PRAMEF1: variants seen among roughly 807,000 people sequenced by gnomAD.
The protein encoded by PRAMEF1 is PRAME family member 1.
In PRAMEF1, 21 loss-of-function variants were observed where a neutral mutation model predicts 38.2. The ratio of observed to expected loss-of-function variants is 0.55; its 90% CI spans 0.39 to 0.79. The LOEUF (loss-of-function observed/expected upper bound fraction) is 0.79. PRAMEF1 is among the 30% of genes least tolerant of loss of function. The probability of loss-of-function intolerance (pLI) is 0.00; values close to 1 mark genes in which losing one functional copy is unlikely to be tolerated. For synonymous variants in PRAMEF1, 200 were observed against 229.0 expected (o/e 0.87, Z 1.14); for missense variants, 497 against 565.8 (o/e 0.88, Z 1.23).
chr1:12,795,424 C>T lies in PRAMEF1; in HGVS notation c.867-14C>T. 6.2e-7 allele frequency: 1 copy of T among 1,610,366 alleles called. No individual in the cohort carries two copies. ...TGGTATCACTGCCCAGAACTAACTT[C>T]TTGATCTCCACAGGTGCCTCCAGAA... On this transcript the variant is annotated splice_polypyrimidine_tract_variant and intron_variant, in intron 3 of 3. Transcript: ENST00000332296.
In PRAMEF1 at chr1:12,795,438, G is replaced by A. The variant is rs148941888; in HGVS notation, c.867G>A (p.Arg289=). 226 of 1,610,854 alleles carry A rather than the reference G, an allele frequency of 1.4e-4. 4 individuals carry two copies. Among genetic ancestry groups the A allele is most frequent in the Admixed American group, 9.0e-4 (54 of 59,784 alleles). The change falls in exon 4 of 4, where the codon AGG becomes AGA. Residue 289 remains arginine, a splice_region_variant and synonymous_variant. Coordinates refer to ENST00000332296, the MANE Select transcript of PRAMEF1 (RefSeq NM_023013.4). ...FFSGHLEQLI[R]CLQNPLENLE... ...AGAACTAACTTCTTGATCTCCACAG[G>A]TGCCTCCAGAACCCCTTGGAGAACT...
chr1:12,793,422 T>C lies in PRAMEF1; in HGVS notation c.195T>C (p.Pro65=). The C allele has an allele frequency of 1.7e-5, 28 of 1,610,086 alleles. 2 individuals are homozygous for C. Among genetic ancestry groups the C allele is most frequent in the Non-Finnish European group, 2.2e-5 (26 of 1,177,930 alleles). ...AGGCCTGGCCCTTCACCTGCCTCCC[T>C]CTGGGATCACTGATGAAGACGCTTC... is the stretch of plus-strand genomic sequence containing the variant. ...MVQAWPFTCL[P]LGSLMKTLHL... The change falls in exon 2 of 4, where the codon CCT becomes CCC. Residue 65 remains proline, a synonymous_variant. Transcript: ENST00000332296.
At position 12,795,644 on chromosome 1, in the gene PRAMEF1, G is replaced by A. The variant is rs762542033; in HGVS notation, c.1073G>A (p.Gly358Asp). 70 of 1,611,316 alleles carry A rather than the reference G, an allele frequency of 4.3e-5. 1 individual carries two copies. Among genetic ancestry groups the A allele is most frequent in the Non-Finnish European group, 5.8e-5 (69 of 1,179,620 alleles). Residue 358 changes from glycine to aspartate, a missense_variant, in exon 4 of 4, where the codon GGC (glycine) becomes GAC (aspartate). By Grantham distance (94) the Gly-to-Asp change is moderately conservative. Around this residue, in one of 2 missense-constraint regions of PRAMEF1, gnomAD observed 470 missense variants for 501.9 expected, o/e 0.94. Coordinates refer to ENST00000332296, the MANE Select transcript of PRAMEF1 (RefSeq NM_023013.4). ...TCTCTCAAAACCCTCATCTTGGAGG[G>A]CTGTCAGATCCACTACTCCCAACTC... ...AASLKTLILE[G>D]CQIHYSQLSA... is the part of the protein sequence containing the mutation.
In PRAMEF1 at chr1:12,795,783, G is replaced by A; in HGVS notation, c.1212G>A (p.Leu404=). 3 of 1,611,040 alleles carry A rather than the reference G, an allele frequency of 1.9e-6. No homozygotes were observed. The highest frequency in any genetic ancestry group is 2.5e-6 in the Non-Finnish European group (3 of 1,179,584). Residue 404 remains leucine (L), a synonymous_variant, in exon 4 of 4, where the codon CTG becomes CTA. Transcript: ENST00000332296. The stretch of plus-strand genomic sequence containing the variant: ...ACCTGCTGCGCCACACCAGTGGGCT[G>A]AGCAAGTTAAGCCTGGAGACGTATC... ...LKDLLRHTSG[L]SKLSLETYPA...
rs767054502 is a variant in PRAMEF1 at position 12,794,336 on chromosome 1, C to CT, written c.710dup (p.Val238ArgfsTer12). 2.5e-6 allele frequency: 4 copies of CT among 1,612,062 alleles called. No homozygotes were observed. In the African/African-American group the frequency reaches 5.4e-5, roughly 22 times the overall value. ...GAAGGAGATGAAGAATCTTCGCAAA[C>CT]TCGTTTTCTCCAGGTGCCATCATTA... On this transcript the variant is annotated frameshift_variant, in exon 3 of 4. Coordinates refer to ENST00000332296, the MANE Select transcript of PRAMEF1 (RefSeq NM_023013.4). LOFTEE classifies it high-confidence loss of function.
At chr1:12,792,131 C>T (rs1367088150) in intron 1 of PRAMEF1, among the ~76,000 whole-genome samples, 2 of 150,814 alleles carry the variant, frequency 1.3e-5, no homozygotes, top group African/African-American at 4.9e-5. Context: ...ATGCGATTCT[C>T]CTGCTTCAGC....
At position 12,796,011 on chromosome 1, in the gene PRAMEF1, G is replaced by C. The variant is rs199835493; in HGVS notation, c.*15G>C. ...TTTGCTGCTAGGGAAGGCGTGCCCA[G>C]TGGGGTAGAGAAATCCAAAGTTCTC... On this transcript the variant is annotated 3_prime_UTR_variant, in exon 4 of 4. Transcript: ENST00000332296. 702 of 1,599,794 alleles carry C rather than the reference G, an allele frequency of 4.4e-4. 12 individuals carry two copies. Among genetic ancestry groups the C allele is most frequent in the Non-Finnish European group, 9.5e-5 (111 of 1,174,140 alleles).
intron 3 of PRAMEF1, chr1:12,794,781 T>G (rs2744046): frequency 0.33 from 429,068 of 1,300,350 alleles, 74,242 homozygotes; most frequent in East Asian, 0.49. Flanking sequence ...CGTGTGAATT[T>G]CCTGTTACAA....
At chr1:12,793,166 C>G in intron 1 of PRAMEF1, 37 bp from the exon 2 acceptor site, 10 of 1,599,448 alleles carry the variant, frequency 6.3e-6, no homozygotes, top group Non-Finnish European at 7.7e-6. Context: ...TGTCTTTGCC[C>G]TGAGAGTGAC....
At position 12,793,921 on chromosome 1, in the gene PRAMEF1, G is replaced by T. The variant is rs546475985; in HGVS notation, c.294G>T (p.Trp98Cys). The change falls in exon 3 of 4, where the codon TGG becomes TGT. Residue 98 changes from tryptophan (W) to cysteine (C), a missense_variant. This residue lies in a region of PRAMEF1 where 470 missense variants were observed against 501.9 expected (regional missense o/e 0.94). Coordinates refer to ENST00000332296, the MANE Select transcript of PRAMEF1 (RefSeq NM_023013.4). ...LLTQKDRPRR[W>C]KLQVLDLRDV... ...TCCCTTACTTTACCCACAGGAGGTG[G>T]AAACTTCAAGTGCTGGATTTGCGGG... The T allele has an allele frequency of 2.6e-5, 42 of 1,608,980 alleles. No homozygotes were observed. The highest frequency in any genetic ancestry group is 1.1e-5 in the South Asian group (1 of 90,470).
At position 12,795,591 on chromosome 1, in the gene PRAMEF1, C is replaced by G; in HGVS notation, c.1020C>G (p.Leu340=). The G allele has an allele frequency of 6.3e-7, 1 of 1,584,424 alleles. No individual in the cohort carries two copies. ...TGTTCCGCATCAGTCTTGAACCCCTCGGAGCTCTGCTGGAGAAAATTGCTG... is the reference window on the plus strand; with the variant it reads ...TGTTCCGCATCAGTCTTGAACCCCTGGGAGCTCTGCTGGAGAAAATTGCTG... ...VLLFRISLEP[L]GALLEKIAAS... is the part of the protein sequence containing the mutation. The change falls in exon 4 of 4, where the codon CTC becomes CTG. Residue 340 remains leucine, a synonymous_variant. Transcript: ENST00000332296.
rs1639399827 is a variant in PRAMEF1, at chr1:12,796,140, A to T, written c.*144A>T. On this transcript the variant is annotated 3_prime_UTR_variant, in exon 4 of 4. Transcript: ENST00000332296. ...TAATTCCAAAATTTTTATTAAAGACAATTTGAGACAGGGTTTCGCTGTGTT... is the reference window on the plus strand; with the variant it reads ...TAATTCCAAAATTTTTATTAAAGACTATTTGAGACAGGGTTTCGCTGTGTT... 3.0e-6 allele frequency: 4 copies of T among 1,311,654 alleles called. No homozygotes were observed. The highest frequency in any genetic ancestry group is 4.1e-6 in the Non-Finnish European group (4 of 979,474). 81.3% of individuals were successfully genotyped at this position (1,311,654 alleles called of 1,614,324 possible).
chr1:12,794,318 A>T lies in PRAMEF1; in HGVS notation c.691A>T (p.Met231Leu). ...IRKLRCYLKEMKNLRKLVFSR... is the reference protein window; with the variant it reads ...IRKLRCYLKELKNLRKLVFSR... Reference sequence around the variant, plus strand: ...AAAGCTTCGTTGTTACCTGAAGGAGATGAAGAATCTTCGCAAACTCGTTTT... The same window carrying T: ...AAAGCTTCGTTGTTACCTGAAGGAGTTGAAGAATCTTCGCAAACTCGTTTT... The change falls in exon 3 of 4, where the codon ATG (methionine) becomes TTG (leucine). Residue 231 changes from methionine (M) to leucine (L), a missense_variant. Physicochemically the swap from Met to Leu is conservative, Grantham distance 15. Around this residue, in one of 2 missense-constraint regions of PRAMEF1, gnomAD observed 470 missense variants for 501.9 expected, o/e 0.94. Coordinates refer to ENST00000332296, the MANE Select transcript of PRAMEF1 (RefSeq NM_023013.4). The T allele has an allele frequency of 1.9e-6, 3 of 1,612,184 alleles. No homozygotes were observed. The highest frequency in any genetic ancestry group is 1.1e-5 in the South Asian group (1 of 90,812).
At position 12,794,547 on chromosome 1, in the gene PRAMEF1, A is replaced by T. The variant is rs372517054; in HGVS notation, c.866+54A>T. The T allele has an allele frequency of 2.5e-3, 3,937 of 1,598,882 alleles. 150 individuals carry two copies. The highest frequency in any genetic ancestry group is 0.014 in the South Asian group (1,252 of 89,640). On this transcript the variant is annotated intron_variant, in intron 3 of 3. Transcript: ENST00000332296. ...AGACCACAGCATAGCCTTGTTCTGTAACAGCAAACATTAGAATGCATGTAC... is the reference window on the plus strand; with the variant it reads ...AGACCACAGCATAGCCTTGTTCTGTTACAGCAAACATTAGAATGCATGTAC...
chr1:12,793,650 G>T, intron 2 of PRAMEF1, 136 bp downstream of exon 2: 2 of 1,548,116 alleles, frequency 1.3e-6, no homozygotes, highest in Non-Finnish European at 1.8e-6. Flanking sequence ...GGAGGCTTTG[G>T]CCATTTTCCA....
chr1:12,792,381 A>G (rs1639309336), intron 1 of PRAMEF1, among the ~76,000 whole-genome samples: 1 of 151,130 alleles, frequency 6.6e-6, no homozygotes, highest in Non-Finnish European at 1.5e-5. Context: ...CACCACTTTT[A>G]CAGTTCCAGT....
rs532399079 is a variant in PRAMEF1, at chr1:12,795,416, A to G, written c.867-22A>G. 5.7e-4 allele frequency: 920 copies of G among 1,610,034 alleles called. 53 individuals are homozygous for G. The South Asian group carries it at 9.6e-3, about 17-fold the overall frequency. On this transcript the variant is annotated intron_variant, in intron 3 of 3. Coordinates refer to ENST00000332296, the MANE Select transcript of PRAMEF1 (RefSeq NM_023013.4). Reference sequence around the variant, plus strand: ...CATCTAACTGGTATCACTGCCCAGAACTAACTTCTTGATCTCCACAGGTGC... The same window carrying G: ...CATCTAACTGGTATCACTGCCCAGAGCTAACTTCTTGATCTCCACAGGTGC...
rs760106518 is a variant in PRAMEF1, at chr1:12,793,188, G to A, written c.-25-15G>A. On this transcript the variant is annotated splice_polypyrimidine_tract_variant and intron_variant, in intron 1 of 3. Transcript: ENST00000332296. ...GCCCTGAGAGTGACACATTTTCCCT[G>A]GATTTGTCTTCTAGAGATTTTCCTT... 1.1e-5 allele frequency: 18 copies of A among 1,604,354 alleles called. 2 individuals carry two copies. The South Asian group carries it at 2.0e-4, about 18-fold the overall frequency.
chr1:12,794,632 C>G (rs1639360004), intron 3 of PRAMEF1, 139 bp downstream of exon 3: 1 of 1,523,282 alleles, frequency 6.6e-7, no homozygotes, highest in African/African-American at 1.4e-5. Context: ...AACACATTGT[C>G]CCATTCAGTG....
Sources: gnomAD v4.1 joint callset for allele counts (sites outside exome capture counted in the v4.1 genomes callset) on GRCh38, gnomAD v4.1.1 for gene constraint, gnomAD v4.1.1 regional missense constraint, MANE v1.5 for transcripts, NCBI Gene and HGNC (gene_info 2026-07-23, HGNC 2026-07-21) for gene names.